Variants in MTUS1 observed in about 807,000 individuals in gnomAD.
MTUS1 encodes the protein microtubule associated scaffold protein 1.
In MTUS1, 109 loss-of-function variants were observed where a neutral mutation model predicts 120.8. The ratio of observed to expected loss-of-function variants is 0.90; its 90% confidence interval spans 0.77 to 1.06. The LOEUF (loss-of-function observed/expected upper bound fraction) is 1.06. MTUS1 is among the 50% of genes least tolerant of loss of function. The pLI, the probability that MTUS1 is intolerant of heterozygous loss-of-function variation, is 0.00. For missense variants in MTUS1, 2,210 were observed against 1,486.3 expected, an observed-to-expected ratio of 1.49 and a Z score of -8.01; for synonymous variants, 737 against 550.5, an observed-to-expected ratio of 1.34 and a Z score of -4.74.
intron 3 of MTUS1, among the ~76,000 whole-genome samples, chr8:17,743,198 A>C (rs17125229): frequency 1.3e-5 from 2 of 152,156 alleles, no homozygotes. Flanking sequence ...TCTATCATAC[A>C]TCTTTCAGTA....
chr8:17,717,788 G>C (rs1479479691), intron 4 of MTUS1, among the ~76,000 whole-genome samples: 1 of 152,046 alleles, frequency 6.6e-6, no homozygotes, highest in Non-Finnish European at 1.5e-5. Flanking sequence ...CTGGAAATCA[G>C]CTGTCTCACT....
At chr8:17,733,396 T>A (rs1455400506) in intron 3 of MTUS1, among the ~76,000 whole-genome samples, 4 of 151,798 alleles carry the variant, frequency 2.6e-5, no homozygotes, top group African/African-American at 9.7e-5. Flanking sequence ...CTCCATTATA[T>A]ACATAAACAT....
intron 1 of MTUS1, chr8:17,800,532 G>C (rs1451701577): frequency 6.6e-6 from 1 of 152,108 alleles, no homozygotes; most frequent in Non-Finnish European, 1.5e-5. Context: ...CTTCAAAAAA[G>C]AACAAAAACG....
At chr8:17,769,344 TA>T (rs1202587881) in intron 1 of MTUS1, among the ~76,000 whole-genome samples, 35 of 108,682 alleles carry the variant, frequency 3.2e-4, no homozygotes, top group Non-Finnish European at 4.0e-4. Flanking sequence ...GCTTAGTCAG[TA>T]ATTTTTTTTT....
chr8:17,732,891 G>C (rs184963327), intron 3 of MTUS1, among the ~76,000 whole-genome samples: 1 of 152,152 alleles, frequency 6.6e-6, no homozygotes, highest in Non-Finnish European at 1.5e-5. Flanking sequence ...CCTGGTCCGA[G>C]AAAACATAAC....
At chr8:17,710,136 G>A (rs986413568) in intron 6 of MTUS1, among the ~76,000 whole-genome samples, 1 of 152,198 alleles carries the variant, frequency 6.6e-6, no homozygotes, top group Non-Finnish European at 1.5e-5. Flanking sequence ...GCTGCTGACT[G>A]ACTGATTAGG....
At chr8:17,732,860 G>C (rs892595237) in intron 3 of MTUS1, among the ~76,000 whole-genome samples, 5 of 151,936 alleles carry the variant, frequency 3.3e-5, no homozygotes, top group African/African-American at 9.7e-5. Flanking sequence ...CCTAGAATCT[G>C]AGCGGGCCTC....
At chr8:17,696,029 G>A (rs763351177) in intron 6 of MTUS1, among the ~76,000 whole-genome samples, 24 of 152,102 alleles carry the variant, frequency 1.6e-4, no homozygotes, top group Non-Finnish European at 2.6e-4. Context: ...GCTATTTGGA[G>A]CTACTTTAGA....
intron 7 of MTUS1, among the ~76,000 whole-genome samples, chr8:17,680,464 CAAAAAAAA>C (rs58490523): frequency 7.4e-4 from 18 of 24,310 alleles, no homozygotes; most frequent in African/African-American, 1.6e-3. Context: ...GCCACTGTCG[CAAAAAAAA>C]AAAAAAAAAA....
At chr8:17,748,075 C>T (rs2047907076) in intron 2 of MTUS1, 1 of 152,184 alleles carries the variant, frequency 6.6e-6, no homozygotes, top group Non-Finnish European at 1.5e-5. Context: ...TGGGTGGGGA[C>T]ACAGCCAAAT....
chr8:17,662,017 A>C (rs955112562), intron 8 of MTUS1, among the ~76,000 whole-genome samples: 2 of 152,198 alleles, frequency 1.3e-5, no homozygotes, highest in African/African-American at 4.8e-5. Flanking sequence ...AAAGGTTCTC[A>C]GAGTGCTCCT....
At chr8:17,717,166 T>A (rs1822500339) in intron 4 of MTUS1, among the ~76,000 whole-genome samples, 1 of 152,160 alleles carries the variant, frequency 6.6e-6, no homozygotes, top group African/African-American at 2.4e-5. Flanking sequence ...ATCTGTTCAT[T>A]GTTCTCGTGC....
chr8:17,697,567 G>A (rs1818236077), intron 6 of MTUS1: 1 of 1,358,544 alleles, frequency 7.4e-7, no homozygotes, highest in African/African-American at 1.5e-5. Flanking sequence ...AAGTGTTTCT[G>A]GCTTCCGTTT....
chr8:17,722,149 C>T, intron 4 of MTUS1: 1 of 1,157,248 alleles, frequency 8.6e-7, no homozygotes, highest in Non-Finnish European at 1.1e-6. Context: ...TATGGTAAAC[C>T]CCTTTGTTAA....
At chr8:17,694,679 CA>C (rs57560186) in intron 6 of MTUS1, among the ~76,000 whole-genome samples, 2 of 151,634 alleles carry the variant, frequency 1.3e-5, no homozygotes, top group East Asian at 1.9e-4. Flanking sequence ...AACAAAGCAA[CA>C]AAAAAACAAC....
chr8:17,687,884 T>G (rs1408600422), intron 6 of MTUS1, among the ~76,000 whole-genome samples: 3 of 152,214 alleles, frequency 2.0e-5, no homozygotes, highest in African/African-American at 7.2e-5. Flanking sequence ...AGTAGTTGGT[T>G]AATGAGGAAG....
At chr8:17,724,080 T>C (rs2046035346) in intron 3 of MTUS1, 3 of 564,818 alleles carry the variant, frequency 5.3e-6, no homozygotes, top group Admixed American at 5.7e-5. Context: ...AGTAACCCTG[T>C]CTCCTAAAGT....
At chr8:17,684,110 C>T (rs151019836) in intron 7 of MTUS1, among the ~76,000 whole-genome samples, 1 of 152,068 alleles carries the variant, frequency 6.6e-6, no homozygotes, top group Non-Finnish European at 1.5e-5. Context: ...AACCAACAGA[C>T]TCTAGGGGAA....
At chr8:17,753,092 T>C (rs1365792776) in intron 2 of MTUS1, among the ~76,000 whole-genome samples, 1 of 152,218 alleles carries the variant, frequency 6.6e-6, no homozygotes, top group African/African-American at 2.4e-5. Context: ...TAAAAGATTT[T>C]ATTTTATATA....
Sources: gnomAD v4.1 joint callset for allele counts (sites outside exome capture counted in the v4.1 genomes callset) on GRCh38, gnomAD v4.1.1 for gene constraint, MANE v1.5 for transcripts, NCBI Gene and HGNC (gene_info 2026-07-23, HGNC 2026-07-21) for gene names.